Variants in ZNF534 observed in about 807,000 individuals in gnomAD.
ZNF534 encodes KRAB domain only 3.
A neutral mutation model predicts 13.6 loss-of-function variants in ZNF534; 19 were observed. That is an observed-to-expected ratio of 1.40 (90% CI 0.97 to 2.05). The LOEUF (loss-of-function observed/expected upper bound fraction) is 2.05. ZNF534 is among the 30% of genes most tolerant of loss of function. The pLI is 0.00. For missense variants in ZNF534, 782 were observed against 796.3 expected (o/e 0.98, Z 0.22); for synonymous variants, 244 against 273.8 (o/e 0.89, Z 1.07).
At chr19:52,444,421 A>G (rs1355824116), downstream of ZNF534, among the ~76,000 whole-genome samples, 1 of 152,034 alleles carries the variant, frequency 6.6e-6, no homozygotes, top group African/African-American at 2.4e-5. Context: ...GACGAAATGG[A>G]ATCTGTGAGG....
chr19:52,452,067 T>G (rs887887307), exon 5 of ZNF534: 1 of 181,568 alleles, frequency 5.5e-6, no homozygotes, highest in African/African-American at 2.5e-5. Flanking sequence ...CTAAAAGTAC[T>G]GCATTTTTTT....
chr19:52,445,746 AATT>A (rs2059192515), downstream of ZNF534, among the ~76,000 whole-genome samples: 3 of 14,380 alleles, frequency 2.1e-4, 1 homozygote, highest in Non-Finnish European at 4.7e-4. Flanking sequence ...CTGGAGCAAA[AATT>A]CATGATGCAG....
chr19:52,449,866 A>AAAAGTT, intron 4 of ZNF534, among the ~76,000 whole-genome samples: 1 of 152,220 alleles, frequency 6.6e-6, no homozygotes, highest in African/African-American at 2.4e-5. Context: ...CTAAAAATAC[A>AAAAGTT]AAAGTTAGCC....
rs549516043 is a variant in ZNF534 at position 52,441,842 on chromosome 19, T to C, written c.*2396T>C. ...AGAGAAACCTTACAAATGCAACATA[T>C]GTGGTAAAATGTTTTAGTCACAATT... On this transcript the variant is annotated 3_prime_UTR_variant, in exon 5 of 5. Coordinates refer to ENST00000433050, the MANE Select transcript of ZNF534 (RefSeq NM_001143938.3). 1.1e-3 allele frequency among the ~76,000 whole-genome samples: 166 copies of C among 152,296 alleles called. No homozygotes were observed. The highest frequency in any genetic ancestry group is 2.8e-3 in the African/African-American group (118 of 41,570).
At chr19:52,451,161 C>G (rs1568450653) in intron 4 of ZNF534, 1 of 641,432 alleles carries the variant, frequency 1.6e-6, no homozygotes, top group South Asian at 1.8e-5. Context: ...CTTCTTTCAT[C>G]ACTGTTTATA....
intron 4 of ZNF534, among the ~76,000 whole-genome samples, chr19:52,448,732 A>C (rs1321638017): frequency 6.6e-6 from 1 of 152,178 alleles, no homozygotes; most frequent in African/African-American, 2.4e-5. Context: ...CCTTAAAATC[A>C]TTCTTTTAAC....
Position 52,438,214 on chromosome 19 carries a change from A to G in ZNF534, c.754A>G (p.Asn252Asp). ...YKYNECGKVF[N>D]QNSHLAQHQK... is the part of the protein sequence containing the mutation. Reference sequence around the variant, plus strand: ...ATATAATGAATGTGGCAAAGTCTTCAATCAGAATTCACACCTTGCACAACA... The same window carrying G: ...ATATAATGAATGTGGCAAAGTCTTCGATCAGAATTCACACCTTGCACAACA... The change falls in exon 5 of 5, where the codon AAT (asparagine) becomes GAT (aspartate). Residue 252 changes from asparagine to aspartate, a missense_variant. Around this residue, in one of 5 missense-constraint regions of ZNF534, gnomAD observed 591 missense variants for 574.0 expected, o/e 1.03. Coordinates refer to ENST00000433050, the MANE Select transcript of ZNF534 (RefSeq NM_001143938.3). 2 of 1,614,146 alleles carry G rather than the reference A, an allele frequency of 1.2e-6. No individual in the cohort carries two copies. Among genetic ancestry groups the G allele is most frequent in the South Asian group, 2.2e-5 (2 of 91,076 alleles).
intron 2 of ZNF534, 51 bp downstream of exon 2, chr19:52,431,540 G>A (rs1464486764): frequency 1.4e-5 from 22 of 1,611,734 alleles, no homozygotes; most frequent in Middle Eastern, 1.6e-4. Flanking sequence ...TTCCTGAAAT[G>A]CCAGGCATTG....
At position 52,438,854 on chromosome 19, in the gene ZNF534, C is replaced by T. The variant is rs1279288001; in HGVS notation, c.1394C>T (p.Pro465Leu). Reference sequence around the variant, plus strand: ...TGTAGAATTCATACTGGAGAGAAGCCTTACAAATGTAACGAATGTGGCAAG... The same window carrying T: ...TGTAGAATTCATACTGGAGAGAAGCTTTACAAATGTAACGAATGTGGCAAG... ...YHCRIHTGEK[P>L]YKCNECGKVF... The change falls in exon 5 of 5, where the codon CCT becomes CTT. Residue 465 changes from proline (P) to leucine (L), a missense_variant. By Grantham distance (98) the Pro-to-Leu change is moderately conservative. Transcript: ENST00000433050. 1 of 1,611,630 alleles carries T rather than the reference C, an allele frequency of 6.2e-7. No homozygotes were observed. The highest frequency in any genetic ancestry group is 1.3e-5 in the African/African-American group (1 of 74,844).
At chr19:52,433,348 A>G (rs1204032769) in intron 2 of ZNF534, among the ~76,000 whole-genome samples, 1 of 138,436 alleles carries the variant, frequency 7.2e-6, no homozygotes, top group Non-Finnish European at 1.6e-5. Context: ...TGTCAAAAAT[A>G]AAACCTAACA....
At chr19:52,431,095 C>G (rs1430738596) in intron 1 of ZNF534, among the ~76,000 whole-genome samples, 1 of 152,144 alleles carries the variant, frequency 6.6e-6, no homozygotes, top group Non-Finnish European at 1.5e-5. Context: ...TCATGATCTG[C>G]CCACCTCGGC....
At chr19:52,443,454 T>G (rs562137875), downstream of ZNF534, among the ~76,000 whole-genome samples, 15 of 152,340 alleles carry the variant, frequency 9.8e-5, no homozygotes, top group African/African-American at 3.4e-4. Context: ...TCATATTTTC[T>G]TATTTTTTCT....
At chr19:52,443,129 A>C (rs917685429), downstream of ZNF534, among the ~76,000 whole-genome samples, 3 of 152,214 alleles carry the variant, frequency 2.0e-5, no homozygotes, top group African/African-American at 7.2e-5. Flanking sequence ...GGAAAACAGT[A>C]GTCTTATTTT....
Position 52,433,514 on chromosome 19 carries a change from C to T in ZNF534, c.16-441C>T, listed in dbSNP as rs1489952973. Reference sequence around the variant, plus strand: ...CCTGAGTAGCTGGGACTACAGACCCCCACCACCGCGCCTGGCTAATTTTTT... The same window carrying T: ...CCTGAGTAGCTGGGACTACAGACCCTCACCACCGCGCCTGGCTAATTTTTT... On this transcript the variant is annotated intron_variant, in intron 2 of 4. Transcript: ENST00000433050. 4.6e-5 allele frequency among the ~76,000 whole-genome samples: 7 copies of T among 151,984 alleles called. No individual in the cohort carries two copies. In the South Asian group the frequency reaches 8.3e-4, roughly 18 times the overall value.
rs1568446476 is a variant in ZNF534 at position 52,439,330 on chromosome 19, CAT to C, written c.1872_1873del (p.His624GlnfsTer13). 2.6e-6 allele frequency: 4 copies of C among 1,554,208 alleles called. No homozygotes were observed. The highest frequency in any genetic ancestry group is 1.2e-5 in the South Asian group (1 of 84,378). On this transcript the variant is annotated frameshift_variant, in exon 5 of 5. Transcript: ENST00000433050. LOFTEE classifies it low-confidence loss of function (END_TRUNC). The part of the protein sequence containing the change: ...VFSRNSRLAQ[H>X]RNIHTGVKPY... ...CAGTCGGAATTCACGCCTTGCACAACATAGGAATATTCATACTGGAGTGAAGC... is the reference window on the plus strand; with the variant it reads ...CAGTCGGAATTCACGCCTTGCACAACAGGAATATTCATACTGGAGTGAAGC...
intron 3 of ZNF534, 42 bp downstream of exon 3, chr19:52,434,123 A>G (rs767869920): frequency 1.9e-6 from 3 of 1,589,462 alleles, no homozygotes; most frequent in Non-Finnish European, 2.6e-6. Flanking sequence ...CTGCTCTGGT[A>G]TATCTTTTTG....
chr19:52,432,948 A>T (rs2059098367), intron 2 of ZNF534, among the ~76,000 whole-genome samples: 1 of 152,010 alleles, frequency 6.6e-6, no homozygotes, highest in Admixed American at 6.6e-5. Context: ...GACCATTTTT[A>T]AAAACCACTA....
In ZNF534 at chr19:52,450,670, GTTTTTTTTT is replaced by G. The variant is rs796423133; in HGVS notation, c.272-511_272-503del. ...CCGTAGTTCCCTATGAATTTTAGGAGTTTTTTTTTTTTTTGTTTTTGTTTTTGTTTTTTT... is the reference window on the plus strand; with the variant it reads ...CCGTAGTTCCCTATGAATTTTAGGAGTTTTTGTTTTTGTTTTTGTTTTTTT... On this transcript the variant is annotated intron_variant, in intron 4 of 4. Coordinates refer to the ZNF534 transcript ENST00000301085. Among the ~76,000 whole-genome samples, 5 of 37,768 alleles carry G rather than the reference GTTTTTTTTT, an allele frequency of 1.3e-4. 1 individual carries two copies. The highest frequency in any genetic ancestry group is 3.0e-4 in the Non-Finnish European group (5 of 16,584). 24.8% of individuals were successfully genotyped at this position (37,768 alleles called of 152,430 possible).
chr19:52,437,905 C>G lies in ZNF534; in HGVS notation c.445C>G (p.Gln149Glu), dbSNP rs759546219. Residue 149 changes from glutamine to glutamate, a missense_variant, in exon 5 of 5, where the codon CAA (glutamine) becomes GAA (glutamate). By Grantham distance (29) the Gln-to-Glu change is conservative (BLOSUM62 2). Around this residue, in one of 5 missense-constraint regions of ZNF534, gnomAD observed 591 missense variants for 574.0 expected, o/e 1.03. Coordinates refer to ENST00000433050, the MANE Select transcript of ZNF534 (RefSeq NM_001143938.3). ...TGACAATTCTTCAGTTTCACCAGTTCAAATAAGTTTTTTCAGTGTCAAAAC... is the reference window on the plus strand; with the variant it reads ...TGACAATTCTTCAGTTTCACCAGTTGAAATAAGTTTTTTCAGTGTCAAAAC... Reference protein sequence around the residue: ...ISDNSSVSPVQISFFSVKTHI... With the variant: ...ISDNSSVSPVEISFFSVKTHI... 6.2e-7 allele frequency: 1 copy of G among 1,613,150 alleles called. No individual in the cohort carries two copies. The highest frequency in any genetic ancestry group is 1.1e-5 in the South Asian group (1 of 90,846).
Sources: allele counts gnomAD v4.1 joint callset (sites outside exome capture counted in the v4.1 genomes callset), GRCh38; gene constraint gnomAD v4.1.1; regional missense constraint gnomAD v4.1.1; transcripts MANE v1.5; gene names NCBI Gene and HGNC (gene_info 2026-07-23, HGNC 2026-07-21).